The following TMLHE variants were observed in gnomAD, a reference collection of about 807,000 sequenced individuals.
TMLHE encodes the protein trimethyllysine dioxygenase, mitochondrial.
Under a neutral mutation model 25.7 loss-of-function variants are expected in TMLHE, and 18 were observed. The ratio of observed to expected loss-of-function variants is 0.70; its 90% confidence interval spans 0.48 to 1.04. The LOEUF (loss-of-function observed/expected upper bound fraction) is 1.04. TMLHE is among the 50% of genes least tolerant of loss of function. The probability of loss-of-function intolerance (pLI) is 0.00; values close to 1 mark genes in which losing one functional copy is unlikely to be tolerated. For synonymous variants in TMLHE, 105 were observed against 97.0 expected, an observed-to-expected ratio of 1.08 and a Z score of -0.49; for missense variants, 236 against 259.0, an observed-to-expected ratio of 0.91 and a Z score of 0.61.
intron 1 of TMLHE, among the ~76,000 whole-genome samples, chrX:155,570,432 A>G (rs1318425863): frequency 1.8e-5 from 1 of 54,646 alleles, no homozygotes; most frequent in Non-Finnish European, 4.7e-5. Context: ...TCAATGAGAC[A>G]GAAAGTTAAC....
chrX:155,524,716 C>T (rs2067208957), intron 2 of TMLHE, 84 bp from the exon 3 acceptor site: 3 of 932,003 alleles, frequency 3.2e-6, no homozygotes, highest in Admixed American at 7.0e-5. Context: ...TTCTAAAAGT[C>T]TTCTACCAAT....
Position 155,560,662 on chromosome X carries a change from T to C in TMLHE, c.-1-15385A>G, listed in dbSNP as rs1374162205. On this transcript the variant is annotated intron_variant, in intron 1 of 7. Transcript: ENST00000334398. Reference sequence around the variant, plus strand: ...AAAGGCTCTAAGTTGTGATTATATCTGTTGTGGCCAAAAGAAAAAAAAAAG... The same window carrying C: ...AAAGGCTCTAAGTTGTGATTATATCCGTTGTGGCCAAAAGAAAAAAAAAAG... Among the ~76,000 whole-genome samples, 2 of 49,857 alleles carry C rather than the reference T, an allele frequency of 4.0e-5. 1 individual carries two copies. The highest frequency in any genetic ancestry group is 9.2e-5 in the African/African-American group (2 of 21,669). The allele number at this position is 49,857 out of a possible 115,157, so 43.3% of individuals were successfully genotyped here. A position where few individuals can be genotyped will look rare whatever the true frequency, so the allele number is the denominator to read the frequency against.
intron 1 of TMLHE, among the ~76,000 whole-genome samples, chrX:155,555,115 A>G (rs1164054290): frequency 9.1e-6 from 1 of 109,747 alleles, no homozygotes; most frequent in Non-Finnish European, 1.9e-5. Flanking sequence ...CCCACCTATG[A>G]GTGAGAACAT....
chrX:155,510,564 A>G lies in TMLHE; in HGVS notation c.758+1109T>C, dbSNP rs782312895. On this transcript the variant is annotated intron_variant, in intron 5 of 7. Coordinates refer to ENST00000334398, the MANE Select transcript of TMLHE (RefSeq NM_018196.4). ...GGTTTCCAGCTCCATCCATGTCCCT[A>G]CAAAGGACATGAACTCATCATTTTT... is the stretch of plus-strand genomic sequence containing the variant. 1.4e-3 allele frequency among the ~76,000 whole-genome samples: 150 copies of G among 108,897 alleles called. 1 individual carries two copies. In the East Asian group the frequency reaches 0.033, roughly 24 times the overall value. 94.6% of individuals were successfully genotyped at this position (108,897 alleles called of 115,157 possible). A position where few individuals can be genotyped will look rare whatever the true frequency, so the allele number is the denominator to read the frequency against.
intron 1 of TMLHE, among the ~76,000 whole-genome samples, chrX:155,558,225 G>A (rs1483401150): frequency 2.7e-5 from 3 of 111,657 alleles, no homozygotes; most frequent in Non-Finnish European, 5.7e-5. Context: ...AGAAACTCAT[G>A]TTCATGCTCT....
rs782533321 is a variant in TMLHE, at chrX:155,513,942, AAATT to A, written c.638+40_638+43del. 1.5e-5 allele frequency: 17 copies of A among 1,150,481 alleles called. No homozygotes were observed. The African/African-American group carries it at 3.1e-4, about 21-fold the overall frequency. 94.8% of individuals were successfully genotyped at this position (1,150,481 alleles called of 1,213,427 possible). ...TTATTTATTGGTGTTCATGCTCTGG[AAATT>A]AATTATAATACTGTGGATTTTAGGA... On this transcript the variant is annotated intron_variant, in intron 4 of 7. Coordinates refer to ENST00000334398, the MANE Select transcript of TMLHE (RefSeq NM_018196.4).
chrX:155,515,492 G>T (rs1488769479), intron 3 of TMLHE, among the ~76,000 whole-genome samples: 7 of 110,156 alleles, frequency 6.4e-5, no homozygotes, highest in Non-Finnish European at 1.3e-4. Context: ...TTTCTTAAAA[G>T]TTCGTATCTT....
At chrX:155,583,296 A>C (rs1208660432) in intron 1 of TMLHE, among the ~76,000 whole-genome samples, 1 of 111,686 alleles carries the variant, frequency 9.0e-6, no homozygotes, top group Non-Finnish European at 1.9e-5. Context: ...CGTTGTGCAC[A>C]TGTACCCTAG....
rs1475627115 is a variant in TMLHE, at chrX:155,569,309, A to G, written c.-1-24032T>C. 7.0e-4 allele frequency among the ~76,000 whole-genome samples: 40 copies of G among 57,240 alleles called. 11 individuals are homozygous for G. Among genetic ancestry groups the G allele is most frequent in the Non-Finnish European group, 1.6e-3 (35 of 22,009 alleles). 49.7% of individuals were successfully genotyped at this position (57,240 alleles called of 115,157 possible). A position where few individuals can be genotyped will look rare whatever the true frequency, so the allele number is the denominator to read the frequency against. ...AAAAAAGAATAAAAAGAAATGAACA[A>G]AGCCTCCAAGAAATATGGGACTATG... On this transcript the variant is annotated intron_variant, in intron 1 of 7. Transcript: ENST00000334398.
intron 6 of TMLHE, among the ~76,000 whole-genome samples, chrX:155,505,499 A>C (rs1379276783): frequency 7.2e-5 from 8 of 110,923 alleles, no homozygotes; most frequent in African/African-American, 2.6e-4. Context: ...GTAACTGGAA[A>C]CTCATGACTA....
chrX:155,579,645 T>C (rs1361419773), intron 1 of TMLHE, among the ~76,000 whole-genome samples: 1 of 111,642 alleles, frequency 9.0e-6, no homozygotes, highest in South Asian at 3.7e-4. Flanking sequence ...TAGTACCCAA[T>C]AGGTAGTTTC....
chrX:155,559,757 A>C (rs781895472), intron 1 of TMLHE, among the ~76,000 whole-genome samples: 1 of 112,017 alleles, frequency 8.9e-6, no homozygotes, highest in East Asian at 2.8e-4. Flanking sequence ...TTCTCTTTCC[A>C]TTCCTATAGA....
intron 1 of TMLHE, among the ~76,000 whole-genome samples, chrX:155,603,973 T>C (rs2067772542): frequency 8.9e-6 from 1 of 112,233 alleles, no homozygotes; most frequent in African/African-American, 3.2e-5. Flanking sequence ...GCAGCAGCTC[T>C]GTCCTTGCTG....
intron 2 of TMLHE, among the ~76,000 whole-genome samples, chrX:155,530,679 A>G (rs140136975): frequency 0.011 from 1,222 of 112,342 alleles, 7 homozygotes; most frequent in Middle Eastern, 0.023. Flanking sequence ...TACTTTAAAC[A>G]TACACAATGC....
intron 1 of TMLHE, among the ~76,000 whole-genome samples, chrX:155,549,102 T>C (rs964105034): frequency 2.7e-5 from 3 of 111,589 alleles, no homozygotes; most frequent in Non-Finnish European, 5.6e-5. Context: ...TGGAATGCTG[T>C]AATCTTAATA....
intron 2 of TMLHE, among the ~76,000 whole-genome samples, chrX:155,532,538 G>A (rs1557337164): frequency 9.0e-6 from 1 of 111,629 alleles, no homozygotes; most frequent in African/African-American, 3.3e-5. Context: ...GCTTGAAAAT[G>A]TATAGATACT....
intron 2 of TMLHE, among the ~76,000 whole-genome samples, chrX:155,540,857 C>A (rs2067306079): frequency 9.1e-6 from 1 of 110,308 alleles, no homozygotes; most frequent in Non-Finnish European, 1.9e-5. Context: ...TGTCTGTATT[C>A]ACAGATGACA....
At chrX:155,550,889 C>A (rs1383993452) in intron 1 of TMLHE, among the ~76,000 whole-genome samples, 1 of 110,959 alleles carries the variant, frequency 9.0e-6, no homozygotes, top group East Asian at 2.8e-4. Context: ...CCATTTTTTT[C>A]TTCAGCCTGG....
At chrX:155,569,549 T>A (rs1484820381) in intron 1 of TMLHE, among the ~76,000 whole-genome samples, 1 of 55,683 alleles carries the variant, frequency 1.8e-5, no homozygotes, top group Non-Finnish European at 4.6e-5. Context: ...TCACCAAAGT[T>A]GAAATGAAGG....
Sources: allele counts gnomAD v4.1 joint callset (sites outside exome capture counted in the v4.1 genomes callset), GRCh38; gene constraint gnomAD v4.1.1; transcripts MANE v1.5; gene names NCBI Gene and HGNC (gene_info 2026-07-23, HGNC 2026-07-21).